Variants in IMPG1 observed in about 807,000 individuals in gnomAD.
The protein encoded by IMPG1 is interphotoreceptor matrix proteoglycan 1, also known as interphotoreceptor matrix proteoglycan of 150 kDa.
IMPG1 carries 85 observed loss-of-function variants against 92.0 expected under a neutral mutation model. The observed-to-expected ratio is 0.92, with a 90% CI of 0.78 to 1.11. IMPG1 has a LOEUF of 1.11. IMPG1 is among the 50% of genes least tolerant of loss of function. IMPG1 has a pLI of 0.00. For synonymous variants in IMPG1, 367 were observed against 334.1 expected, an observed-to-expected ratio of 1.10 and a Z score of -1.08; for missense variants, 1,022 against 956.0, an observed-to-expected ratio of 1.07 and a Z score of -0.91.
chr6:76,041,170 G>C (rs371485039), intron 2 of IMPG1, among the ~76,000 whole-genome samples: 8 of 152,218 alleles, frequency 5.3e-5, no homozygotes, highest in Admixed American at 4.6e-4. Context: ...GAAGCCATGA[G>C]AATTTTGTCA....
intron 14 of IMPG1, among the ~76,000 whole-genome samples, chr6:75,946,497 C>T (rs990074168): frequency 2.0e-5 from 3 of 152,164 alleles, no homozygotes; most frequent in Non-Finnish European, 4.4e-5. Flanking sequence ...CAGGAGCCCT[C>T]CCTGACTTTT....
At chr6:75,972,176 C>T (rs1782431918) in intron 12 of IMPG1, among the ~76,000 whole-genome samples, 1 of 152,016 alleles carries the variant, frequency 6.6e-6, no homozygotes, top group Non-Finnish European at 1.5e-5. Flanking sequence ...CAGTACTGTC[C>T]TGCATATTAT....
chr6:75,953,858 C>T (rs554295565), intron 12 of IMPG1, among the ~76,000 whole-genome samples: 18 of 151,540 alleles, frequency 1.2e-4, no homozygotes, highest in African/African-American at 2.9e-4. Flanking sequence ...TGAGAACATG[C>T]GGTGTTTGGT....
At chr6:75,972,399 T>C (rs1242282395) in intron 12 of IMPG1, among the ~76,000 whole-genome samples, 6 of 128,060 alleles carry the variant, frequency 4.7e-5, no homozygotes, top group Non-Finnish European at 8.2e-5. Flanking sequence ...CACCCACCCA[T>C]AACCCATCCC....
At chr6:75,945,809 C>T (rs1022684516) in intron 14 of IMPG1, among the ~76,000 whole-genome samples, 3 of 152,172 alleles carry the variant, frequency 2.0e-5, no homozygotes, top group Non-Finnish European at 4.4e-5. Context: ...CTCACAGCTT[C>T]CCACCCTCTT....
At chr6:75,974,341 T>TTC (rs1782476328) in intron 12 of IMPG1, among the ~76,000 whole-genome samples, 1 of 88,714 alleles carries the variant, frequency 1.1e-5, no homozygotes, top group Admixed American at 1.3e-4. Flanking sequence ...CTTTCTTTCT[T>TTC]TCTTTCTTTC....
rs962459282 is a variant in IMPG1 at position 76,052,563 on chromosome 6, C to T, written c.68-10437G>A. On this transcript the variant is annotated intron_variant, in intron 1 of 16. Coordinates refer to ENST00000369950, the MANE Select transcript of IMPG1 (RefSeq NM_001563.4). ...TTTGCCTCTCAAATAGTGGTACAGG[C>T]GCCCTCAAGGTATGCAGTACTGTGC... Among the ~76,000 whole-genome samples the T allele has an allele frequency of 7.9e-5, 12 of 152,202 alleles. No individual in the cohort carries two copies. In the South Asian group the frequency reaches 8.3e-4, roughly 11 times the overall value.
chr6:76,033,058 G>A (rs1273554963), intron 4 of IMPG1, among the ~76,000 whole-genome samples: 2 of 152,180 alleles, frequency 1.3e-5, no homozygotes, highest in African/African-American at 2.4e-5. Context: ...CCACAAGGGA[G>A]AGTGTAGTAC....
At chr6:76,037,988 G>A (rs1478383789) in intron 2 of IMPG1, among the ~76,000 whole-genome samples, 1 of 152,078 alleles carries the variant, frequency 6.6e-6, no homozygotes, top group Admixed American at 6.5e-5. Context: ...GTTCTTCGTT[G>A]AGCCTAGCTG....
At chr6:76,017,782 T>G (rs1783316212) in intron 7 of IMPG1, among the ~76,000 whole-genome samples, 1 of 152,236 alleles carries the variant, frequency 6.6e-6, no homozygotes, top group Non-Finnish European at 1.5e-5. Context: ...AGACAGAGTT[T>G]CACTCTTTCA....
chr6:76,005,500 A>T lies in IMPG1; in HGVS notation c.922T>A (p.Phe308Ile). Residue 308 changes from phenylalanine to isoleucine, a missense_variant, in exon 10 of 17, where the codon TTT becomes ATT. Phe to Ile is a conservative substitution (Grantham distance 21). Transcript: ENST00000369950. ...SSTEMQLTAIFKRHSAEAKSP... is the reference protein window; with the variant it reads ...SSTEMQLTAIIKRHSAEAKSP... ...TTTGCTTCTGCACTGTGTCTCTTAA[A>T]GATGGCCGTAAGTTGCATCTCTGTG... The T allele has an allele frequency of 1.9e-6, 3 of 1,613,974 alleles. No homozygotes were observed. In the Middle Eastern group the frequency reaches 5.0e-4, roughly 266 times the overall value.
At chr6:76,022,853 G>A (rs1038757859) in intron 5 of IMPG1, among the ~76,000 whole-genome samples, 6 of 152,136 alleles carry the variant, frequency 3.9e-5, no homozygotes, top group Non-Finnish European at 7.4e-5. Flanking sequence ...TTAAAAAAAT[G>A]CTCAGAGAAA....
At chr6:75,979,348 G>A (rs142918899) in intron 12 of IMPG1, among the ~76,000 whole-genome samples, 165 of 152,346 alleles carry the variant, frequency 1.1e-3, no homozygotes, top group African/African-American at 3.9e-3. Flanking sequence ...ATGTTGTGTA[G>A]AGGTGGATGG....
intron 14 of IMPG1, among the ~76,000 whole-genome samples, chr6:75,937,004 T>C (rs1341703347): frequency 2.0e-5 from 3 of 152,130 alleles, no homozygotes; most frequent in African/African-American, 4.8e-5. Flanking sequence ...CCAACCAGTG[T>C]TGGGGCCTCT....
intron 12 of IMPG1, among the ~76,000 whole-genome samples, chr6:76,000,832 CA>C (rs1426930859): frequency 6.6e-6 from 1 of 152,116 alleles, no homozygotes; most frequent in Non-Finnish European, 1.5e-5. Context: ...GAAGCCTAGA[CA>C]ATTTAGAAAA....
At chr6:76,057,710 TG>T (rs1024054668) in intron 1 of IMPG1, among the ~76,000 whole-genome samples, 5 of 151,808 alleles carry the variant, frequency 3.3e-5, no homozygotes, top group South Asian at 2.1e-4. Context: ...AACCCATAGG[TG>T]GGGGGGTGGC....
intron 1 of IMPG1, among the ~76,000 whole-genome samples, chr6:76,046,961 T>C (rs1374404542): frequency 2.0e-5 from 3 of 152,150 alleles, no homozygotes; most frequent in Non-Finnish European, 2.9e-5. Context: ...AATTATAAAA[T>C]AAAATATCAG....
At chr6:75,956,941 A>T (rs1228549232) in intron 12 of IMPG1, among the ~76,000 whole-genome samples, 1 of 151,920 alleles carries the variant, frequency 6.6e-6, no homozygotes, top group East Asian at 1.9e-4. Context: ...ATTTTTTGAG[A>T]TGGAGTCTTG....
intron 1 of IMPG1, among the ~76,000 whole-genome samples, chr6:76,066,392 A>G (rs1784311128): frequency 6.6e-6 from 1 of 152,138 alleles, no homozygotes; most frequent in African/African-American, 2.4e-5. Context: ...AACAGAAACC[A>G]AAAGTGGGAA....
Sources: allele counts gnomAD v4.1 joint callset (sites outside exome capture counted in the v4.1 genomes callset), GRCh38; gene constraint gnomAD v4.1.1; transcripts MANE v1.5; gene names NCBI Gene and HGNC (gene_info 2026-07-23, HGNC 2026-07-21).